The following PDZK1 variants were observed in gnomAD, a reference collection of about 807,000 sequenced individuals.
PDZK1 encodes PDZ domain containing 1.
PDZK1 carries 23 observed loss-of-function variants against 38.1 expected under a neutral mutation model. That is an observed-to-expected ratio of 0.60 (90% CI 0.43 to 0.85). The LOEUF (loss-of-function observed/expected upper bound fraction) is 0.85. Among genes scored for constraint, PDZK1 ranks in the 40% least tolerant of loss-of-function variants. The pLI is 0.00. For missense variants in PDZK1, 297 were observed against 504.3 expected (o/e 0.59, Z 3.94); for synonymous variants, 98 against 186.2 (o/e 0.53, Z 3.86).
rs1654198707 is a variant in PDZK1 at position 145,681,102 on chromosome 1, C to G, written c.603G>C (p.Lys201Asn). 1 of 545,730 alleles carries G rather than the reference C, an allele frequency of 1.8e-6. No homozygotes were observed. 33.8% of individuals were successfully genotyped at this position (545,730 alleles called of 1,614,324 possible). Residue 201 changes from lysine (K) to asparagine (N), a missense_variant, in exon 5 of 9, where the codon AAG becomes AAC. By Grantham distance (94) the Lys-to-Asn change is moderately conservative. Transcript: ENST00000417171. Reference sequence around the variant, plus strand: ...GGAACATGACACGGCTTCCTGACTTCTTCACCTGTAACAACACACACAGAT... The same window carrying G: ...GGAACATGACACGGCTTCCTGACTTGTTCACCTGTAACAACACACACAGAT... ...ASHEEVVEKV[K>N]KSGSRVMFLL... is the part of the protein sequence containing the mutation.
intron 1 of PDZK1, among the ~76,000 whole-genome samples, chr1:145,706,599 T>G (rs1382222598): frequency 6.6e-6 from 1 of 152,168 alleles, no homozygotes; most frequent in African/African-American, 2.4e-5. Context: ...CTTAGGTAAG[T>G]GTCATACTTA....
chr1:145,696,314 C>T (rs921735584), intron 1 of PDZK1, among the ~76,000 whole-genome samples: 1 of 152,202 alleles, frequency 6.6e-6, no homozygotes, highest in African/African-American at 2.4e-5. Flanking sequence ...ACTAACCAGC[C>T]TGGATAGCTT....
chr1:145,706,582 G>A (rs1304331026), intron 1 of PDZK1, among the ~76,000 whole-genome samples: 1 of 152,180 alleles, frequency 6.6e-6, no homozygotes, highest in African/African-American at 2.4e-5. Flanking sequence ...TTCATAGCGA[G>A]TGAACCCTTA....
chr1:145,677,910 T>TAAAAAA (rs71077285), intron 6 of PDZK1, among the ~76,000 whole-genome samples: 232 of 68,544 alleles, frequency 3.4e-3, no homozygotes, highest in East Asian at 0.019. Context: ...GTGTTAAAAG[T>TAAAAAA]AAAAAAAAAA....
In PDZK1 at chr1:145,671,250, G is replaced by A. The variant is rs1309727470; in HGVS notation, c.*186C>T. On this transcript the variant is annotated 3_prime_UTR_variant, in exon 9 of 9. Transcript: ENST00000417171. ...TTCCTAAGTTAAGCATAAATTAGCC[G>A]TCTGCAATAGCCGCCTGTAAGACAA... 7.0e-6 allele frequency: 8 copies of A among 1,141,920 alleles called. No individual in the cohort carries two copies. Among genetic ancestry groups the A allele is most frequent in the African/African-American group, 6.4e-5 (4 of 62,768 alleles). The allele number at this position is 1,141,920 out of a possible 1,614,324, so 70.7% of individuals were successfully genotyped here.
intron 6 of PDZK1, chr1:145,676,118 T>TCTCAAAGATCTA: frequency 1.3e-6 from 1 of 763,440 alleles, no homozygotes; most frequent in African/African-American, 1.9e-5. Context: ...CACTGATGTA[T>TCTCAAAGATCTA]CTCAAAGATC....
intron 1 of PDZK1, among the ~76,000 whole-genome samples, chr1:145,705,238 G>A (rs1235896318): frequency 2.0e-5 from 3 of 152,040 alleles, no homozygotes; most frequent in African/African-American, 7.3e-5. Context: ...CTACAGACAG[G>A]CAGTACCACG....
At chr1:145,701,569 A>C (rs1021002193) in intron 1 of PDZK1, among the ~76,000 whole-genome samples, 7 of 152,202 alleles carry the variant, frequency 4.6e-5, no homozygotes, top group Non-Finnish European at 2.9e-5. Flanking sequence ...TTTTGTTAGG[A>C]AAATACAGTT....
chr1:145,703,334 C>T (rs587640661), intron 1 of PDZK1, among the ~76,000 whole-genome samples: 1 of 152,218 alleles, frequency 6.6e-6, no homozygotes, highest in Non-Finnish European at 1.5e-5. Flanking sequence ...TGCTGAACAA[C>T]GTTGTGGGTG....
intron 1 of PDZK1, among the ~76,000 whole-genome samples, chr1:145,699,889 C>A (rs1655859438): frequency 6.6e-6 from 1 of 151,960 alleles, no homozygotes; most frequent in South Asian, 2.1e-4. Context: ...GATAGAATAC[C>A]CCTAGAATAG....
At chr1:145,700,933 G>A (rs782392382) in intron 1 of PDZK1, among the ~76,000 whole-genome samples, 7 of 152,112 alleles carry the variant, frequency 4.6e-5, no homozygotes, top group Non-Finnish European at 8.8e-5. Context: ...GGCTGGGCGC[G>A]GGGGCTCATG....
At chr1:145,704,241 G>T (rs1656129641) in intron 1 of PDZK1, among the ~76,000 whole-genome samples, 1 of 152,172 alleles carries the variant, frequency 6.6e-6, no homozygotes, top group Non-Finnish European at 1.5e-5. Context: ...GGATCATTTA[G>T]TTTCATGTCC....
At chr1:145,688,094 C>T in intron 1 of PDZK1, 71 bp from the exon 2 acceptor site, 1 of 1,275,558 alleles carries the variant, frequency 7.8e-7, no homozygotes, top group Non-Finnish European at 1.1e-6. Flanking sequence ...CCCCATCCTC[C>T]ATCTCCTATA....
At chr1:145,672,645 C>A (rs1195016317) in intron 8 of PDZK1, 85 bp downstream of exon 8, 1 of 1,522,824 alleles carries the variant, frequency 6.6e-7, no homozygotes, top group Non-Finnish European at 8.9e-7. Context: ...AAATCTGTGG[C>A]AAACATAGAC....
intron 3 of PDZK1, among the ~76,000 whole-genome samples, chr1:145,684,142 C>T (rs1473675016): frequency 1.3e-5 from 2 of 151,688 alleles, no homozygotes; most frequent in Admixed American, 6.6e-5. Flanking sequence ...CCACTGTGCC[C>T]GGCCACTTTA....
chr1:145,691,825 A>T (rs1389989826), intron 1 of PDZK1: 1 of 152,118 alleles, frequency 6.6e-6, no homozygotes, highest in Non-Finnish European at 1.5e-5. Flanking sequence ...AAGAAAAAAA[A>T]ACTGGAGATG....
chr1:145,692,868 T>G (rs1553703553), intron 1 of PDZK1, among the ~76,000 whole-genome samples: 1 of 150,098 alleles, frequency 6.7e-6, no homozygotes, highest in Admixed American at 6.6e-5. Context: ...CCTTGTCTCC[T>G]AAAATTCAAA....
intron 1 of PDZK1, among the ~76,000 whole-genome samples, chr1:145,693,632 G>A (rs782398568): frequency 2.6e-5 from 4 of 151,996 alleles, no homozygotes; most frequent in Admixed American, 6.5e-5. Context: ...AAATTAGCCG[G>A]GCGTGGTGGC....
chr1:145,682,640 G>A lies in PDZK1; in HGVS notation c.461-4C>T, dbSNP rs1553700629. 6.2e-7 allele frequency: 1 copy of A among 1,611,958 alleles called. No individual in the cohort carries two copies. Among genetic ancestry groups the A allele is most frequent in the Non-Finnish European group, 8.5e-7 (1 of 1,179,822 alleles). Reference sequence around the variant, plus strand: ...GTCATGTACACCCCCTTTTTACCTGGAAGAGAGTAGGGGTAAACTCCATGT... The same window carrying A: ...GTCATGTACACCCCCTTTTTACCTGAAAGAGAGTAGGGGTAAACTCCATGT... On this transcript the variant is annotated splice_polypyrimidine_tract_variant and splice_region_variant and intron_variant, in intron 3 of 8. Coordinates refer to ENST00000417171, the MANE Select transcript of PDZK1 (RefSeq NM_001201325.2).
Sources: allele counts gnomAD v4.1 joint callset (sites outside exome capture counted in the v4.1 genomes callset), GRCh38; gene constraint gnomAD v4.1.1; transcripts MANE v1.5; gene names NCBI Gene and HGNC (gene_info 2026-07-23, HGNC 2026-07-21).